The following SEC11A variants were observed in gnomAD, a reference collection of about 807,000 sequenced individuals.
The protein encoded by SEC11A is SEC11 homolog A, signal peptidase complex subunit, also known as signal peptidase complex catalytic subunit SEC11A.
A neutral mutation model predicts 25.6 loss-of-function variants in SEC11A; 14 were observed. The observed-to-expected ratio is 0.55, with a 90% CI of 0.36 to 0.85. The LOEUF is 0.85. Ranked by LOEUF, SEC11A falls within the 40% of genes least tolerant of loss-of-function variation. The pLI, the probability that SEC11A is intolerant of heterozygous loss-of-function variation, is 0.01. For synonymous variants in SEC11A, 83 were observed against 76.4 expected (o/e 1.09, Z -0.45); for missense variants, 153 against 222.9 (o/e 0.69, Z 2.00).
In SEC11A at chr15:84,669,831, G is replaced by A. The variant is rs931157346; in HGVS notation, c.*188C>T. 2.3e-6 allele frequency: 2 copies of A among 856,642 alleles called. No individual in the cohort carries two copies. The highest frequency in any genetic ancestry group is 1.7e-5 in the African/African-American group (1 of 57,672). 53.1% of individuals were successfully genotyped at this position (856,642 alleles called of 1,614,324 possible). A position where few individuals can be genotyped will look rare whatever the true frequency, so the allele number is the denominator to read the frequency against. Reference sequence around the variant, plus strand: ...CCTGTGACTGAAAGTCCCCTCGAGTGCACTCTGTGGTGCACATGCGCCCGC... The same window carrying A: ...CCTGTGACTGAAAGTCCCCTCGAGTACACTCTGTGGTGCACATGCGCCCGC... On this transcript the variant is annotated 3_prime_UTR_variant, in exon 6 of 6. Transcript: ENST00000268220.
intron 3 of SEC11A, among the ~76,000 whole-genome samples, chr15:84,684,831 C>G (rs1172373453): frequency 6.6e-6 from 1 of 152,216 alleles, no homozygotes; most frequent in East Asian, 1.9e-4. Context: ...ACTTGGGAGG[C>G]TGAGGCAGGA....
chr15:84,687,580 T>G (rs1897465048), intron 3 of SEC11A, 45 bp downstream of exon 3: 3 of 1,486,890 alleles, frequency 2.0e-6, no homozygotes, highest in Non-Finnish European at 2.7e-6. Flanking sequence ...CACAAACACT[T>G]AAACAAAAGC....
At chr15:84,675,174 G>A (rs892959370) in intron 4 of SEC11A, among the ~76,000 whole-genome samples, 2 of 152,198 alleles carry the variant, frequency 1.3e-5, no homozygotes, top group Admixed American at 1.3e-4. Context: ...GAGGTTTAAA[G>A]TAAGTAAAAT....
intron 2 of SEC11A, among the ~76,000 whole-genome samples, chr15:84,689,976 T>C (rs1897554737): frequency 6.6e-6 from 1 of 152,108 alleles, no homozygotes; most frequent in African/African-American, 2.4e-5. Context: ...GGTTTTAAAA[T>C]CACTAAGAGT....
rs76723284 is a variant in SEC11A at position 84,699,430 on chromosome 15, C to T, written c.52-7786G>A. On this transcript the variant is annotated intron_variant, in intron 1 of 5. Transcript: ENST00000268220. Reference sequence around the variant, plus strand: ...TGCCTGAAATAACTAAAACACTGGACAAAATATATGAAACAAGGGTTTTCG... The same window carrying T: ...TGCCTGAAATAACTAAAACACTGGATAAAATATATGAAACAAGGGTTTTCG... Among the ~76,000 whole-genome samples the T allele has an allele frequency of 5.3e-3, 804 of 151,512 alleles. 8 individuals carry two copies. Among genetic ancestry groups the T allele is most frequent in the African/African-American group, 0.019 (776 of 41,250 alleles).
chr15:84,700,840 CGTGGTGGCGCATGCCTGT>C (rs1897913513), intron 1 of SEC11A, among the ~76,000 whole-genome samples: 1 of 151,006 alleles, frequency 6.6e-6, no homozygotes, highest in African/African-American at 2.4e-5. Context: ...ATTAGCCAGG[CGTGGTGGCGCATGCCTGT>C]AATCCCAGCT....
chr15:84,677,908 G>C (rs1047808701), intron 4 of SEC11A, among the ~76,000 whole-genome samples: 3 of 152,074 alleles, frequency 2.0e-5, no homozygotes, highest in Non-Finnish European at 4.4e-5. Context: ...TAAGAATCAA[G>C]ACCCAGGCCA....
chr15:84,700,767 G>A (rs1268346470), intron 1 of SEC11A, among the ~76,000 whole-genome samples: 1 of 151,234 alleles, frequency 6.6e-6, no homozygotes, highest in Admixed American at 6.6e-5. Flanking sequence ...GATAACCTGA[G>A]GTTGGGAATT....
At chr15:84,700,790 G>A (rs1393777149) in intron 1 of SEC11A, among the ~76,000 whole-genome samples, 3 of 150,412 alleles carry the variant, frequency 2.0e-5, no homozygotes, top group Non-Finnish European at 4.4e-5. Flanking sequence ...AGACCAGCCT[G>A]ACCAACATGG....
At chr15:84,712,024 C>T (rs74345526) in intron 1 of SEC11A, among the ~76,000 whole-genome samples, 2,399 of 151,954 alleles carry the variant, frequency 0.016, 32 homozygotes, top group African/African-American at 0.035. Context: ...GAGGATCACT[C>T]GAGCCCAGGA....
At chr15:84,695,601 A>T (rs1335769559) in intron 1 of SEC11A, among the ~76,000 whole-genome samples, 2 of 152,220 alleles carry the variant, frequency 1.3e-5, no homozygotes, top group Non-Finnish European at 2.9e-5. Context: ...ACTGCATTCT[A>T]GCCCAGGTGC....
At chr15:84,686,609 A>C (rs1240862502) in intron 3 of SEC11A, 1 of 152,224 alleles carries the variant, frequency 6.6e-6, no homozygotes, top group African/African-American at 2.4e-5. Context: ...AAACTGTCTC[A>C]AAAAACAAAC....
At chr15:84,708,205 CA>C (rs71132699) in intron 1 of SEC11A, among the ~76,000 whole-genome samples, 712 of 35,402 alleles carry the variant, frequency 0.02, no homozygotes, top group African/African-American at 0.069. Context: ...GGCTCTGTCT[CA>C]AAAAAAAAAA....
intron 1 of SEC11A, among the ~76,000 whole-genome samples, chr15:84,713,926 C>G (rs1018742968): frequency 3.9e-5 from 6 of 152,118 alleles, no homozygotes; most frequent in Non-Finnish European, 4.4e-5. Flanking sequence ...AATTTTCCTA[C>G]CACTGCTAGA....
At chr15:84,671,066 G>A in intron 4 of SEC11A, 1 of 248,784 alleles carries the variant, frequency 4.0e-6, no homozygotes, top group Non-Finnish European at 7.7e-6. Context: ...TCCAGGTGGT[G>A]ACTCTAATGC....
intron 1 of SEC11A, among the ~76,000 whole-genome samples, chr15:84,699,058 T>C (rs561097231): frequency 7.9e-5 from 12 of 152,290 alleles, no homozygotes; most frequent in Admixed American, 1.3e-4. Flanking sequence ...CTCATGCCTA[T>C]ACTCCCAGCA....
chr15:84,700,133 AT>A (rs1400960205), intron 1 of SEC11A, among the ~76,000 whole-genome samples: 1 of 152,024 alleles, frequency 6.6e-6, no homozygotes, highest in African/African-American at 2.4e-5. Flanking sequence ...GCTCAAGAAT[AT>A]TTATGCAAAT....
At chr15:84,700,140 C>T (rs564040127) in intron 1 of SEC11A, among the ~76,000 whole-genome samples, 7 of 151,886 alleles carry the variant, frequency 4.6e-5, no homozygotes, top group Admixed American at 2.0e-4. Context: ...AATATTTATG[C>T]AAATCCAAAC....
chr15:84,703,978 G>C (rs1567043054), intron 1 of SEC11A, among the ~76,000 whole-genome samples: 1 of 152,088 alleles, frequency 6.6e-6, no homozygotes, highest in Non-Finnish European at 1.5e-5. Flanking sequence ...CAAAGTGGCT[G>C]CAGCAGCCAA....
Sources: allele counts gnomAD v4.1 joint callset (sites outside exome capture counted in the v4.1 genomes callset), GRCh38; gene constraint gnomAD v4.1.1; transcripts MANE v1.5; gene names NCBI Gene and HGNC (gene_info 2026-07-23, HGNC 2026-07-21).